DNHD1: variants seen among roughly 807,000 people sequenced by gnomAD.
DNHD1 encodes dynein heavy chain domain-containing protein 1.
DNHD1 carries 383 observed loss-of-function variants against 458.1 expected under a neutral mutation model. That is an observed-to-expected ratio of 0.84 (90% confidence interval 0.77 to 0.91). DNHD1 has a LOEUF of 0.91. DNHD1 is among the 40% of genes least tolerant of loss of function. DNHD1 has a pLI of 0.00. For missense variants in DNHD1, 5,336 were observed against 5,866.1 expected (o/e 0.91, Z 2.95); for synonymous variants, 2,203 against 2,376.9 (o/e 0.93, Z 2.13).
rs181362639 is a variant in DNHD1, at chr11:6,529,334, A to G, written c.2347+213A>G. Among the ~76,000 whole-genome samples, 422 of 152,252 alleles carry G rather than the reference A, an allele frequency of 2.8e-3. 2 individuals carry two copies. Among genetic ancestry groups the G allele is most frequent in the African/African-American group, 9.4e-3 (392 of 41,556 alleles). ...CGGCCTCTCTGTTTTGGCTCTGCTC[A>G]TACCCTGTATTCCTTAGGAATCATG... On this transcript the variant is annotated intron_variant, in intron 12 of 42. Coordinates refer to ENST00000254579, the MANE Select transcript of DNHD1 (RefSeq NM_144666.3).
chr11:6,570,430 G>A (rs1168508952), intron 41 of DNHD1, 34 bp downstream of exon 41: 1 of 1,580,562 alleles, frequency 6.3e-7, no homozygotes. Flanking sequence ...TTTGGGGTAG[G>A]GAATAGTGCA....
At chr11:6,562,049 C>T (rs1485243845) in intron 28 of DNHD1, among the ~76,000 whole-genome samples, 1 of 152,130 alleles carries the variant, frequency 6.6e-6, no homozygotes, top group East Asian at 1.9e-4. Flanking sequence ...AGAGTGGAAA[C>T]TGAGAGACCA....
intron 4 of DNHD1, among the ~76,000 whole-genome samples, chr11:6,506,124 G>C (rs1288349099): frequency 1.3e-5 from 2 of 152,188 alleles, no homozygotes; most frequent in Non-Finnish European, 1.5e-5. Flanking sequence ...TCAGCATTTG[G>C]TGCTGCTTTT....
Position 6,564,742 on chromosome 11 carries a change from G to T in DNHD1, c.10694G>T (p.Trp3565Leu). 1.3e-6 allele frequency: 2 copies of T among 1,547,418 alleles called. No individual in the cohort carries two copies. Among genetic ancestry groups the T allele is most frequent in the Non-Finnish European group, 8.7e-7 (1 of 1,143,680 alleles). ...LLDPSNEALI[W>L]LDPLPLEENR... ...GACCCCAGCAACGAGGCCCTCATCTGGTTGGACCCGCTGCCTCTGGAAGAG... is the reference window on the plus strand; with the variant it reads ...GACCCCAGCAACGAGGCCCTCATCTTGTTGGACCCGCTGCCTCTGGAAGAG... Residue 3565 changes from tryptophan (W) to leucine (L), a missense_variant, in exon 32 of 43, where the codon TGG (tryptophan) becomes TTG (leucine). By Grantham distance (61) the Trp-to-Leu change is moderately conservative. Around this residue, in one of 4 missense-constraint regions of DNHD1, gnomAD observed 11 missense variants for 31.4 expected, o/e 0.35. Transcript: ENST00000254579.
At chr11:6,525,063 A>AT (rs1194197310) in intron 10 of DNHD1, among the ~76,000 whole-genome samples, 4 of 151,906 alleles carry the variant, frequency 2.6e-5, no homozygotes, top group Non-Finnish European at 4.4e-5. Context: ...AGTGGTTTTC[A>AT]TTTTTTTTGT....
intron 24 of DNHD1, among the ~76,000 whole-genome samples, chr11:6,551,556 G>A (rs905723746): frequency 6.6e-6 from 1 of 152,102 alleles, no homozygotes; most frequent in African/African-American, 2.4e-5. Context: ...ATTGACAATC[G>A]CCTATTAACA....
chr11:6,571,747 T>C lies in DNHD1; in HGVS notation c.14023T>C (p.Ser4675Pro). The change falls in exon 43 of 43, where the codon TCC (serine) becomes CCC (proline). Residue 4675 changes from serine to proline, a missense_variant. Coordinates refer to ENST00000254579, the MANE Select transcript of DNHD1 (RefSeq NM_144666.3). The surrounding 1 kb of genome is among the most constrained non-coding windows in gnomAD (Gnocchi z 5.0). ...PIAGALQDSP[S>P]SQPSPLPPVS... is the part of the protein sequence containing the mutation. ...AGCTGGAGCCTTGCAGGACAGTCCT[T>C]CCAGCCAACCCAGCCCTCTGCCTCC... 6.2e-7 allele frequency: 1 copy of C among 1,613,288 alleles called. No homozygotes were observed. The highest frequency in any genetic ancestry group is 8.5e-7 in the Non-Finnish European group (1 of 1,179,564).
chr11:6,527,268 A>G (rs1187736042), intron 10 of DNHD1, among the ~76,000 whole-genome samples: 2 of 152,230 alleles, frequency 1.3e-5, no homozygotes, highest in Non-Finnish European at 2.9e-5. Context: ...CAATGCAGGT[A>G]GAAAAGTTAG....
Position 6,563,151 on chromosome 11 carries a change from T to A in DNHD1, c.9669+20T>A. The A allele has an allele frequency of 6.4e-7, 1 of 1,551,644 alleles. No homozygotes were observed. The highest frequency in any genetic ancestry group is 1.2e-5 in the South Asian group (1 of 84,048). ...GAGCAGGTGGGCTCTTCCTGCCGCC[T>A]GCCCTGCACTGCTCCTCTCTCAAAA... On this transcript the variant is annotated intron_variant, in intron 29 of 42. Coordinates refer to ENST00000254579, the MANE Select transcript of DNHD1 (RefSeq NM_144666.3).
chr11:6,523,230 G>C (rs113371018), intron 10 of DNHD1, among the ~76,000 whole-genome samples: 2,768 of 152,286 alleles, frequency 0.018, 41 homozygotes, highest in Non-Finnish European at 0.029. Flanking sequence ...TGGGATGCCT[G>C]AAATTAGCTT....
rs777567024 is a variant in DNHD1 at position 6,563,865 on chromosome 11, G to A, written c.10025G>A (p.Arg3342Gln). Residue 3342 changes from arginine (R) to glutamine (Q), a missense_variant, in exon 31 of 43, where the codon CGG (arginine) becomes CAG (glutamine). Around this residue, in one of 4 missense-constraint regions of DNHD1, gnomAD observed 3,932 missense variants for 4,365.6 expected, o/e 0.90. Transcript: ENST00000254579. ...CTGCACTATGGGCTGGCGCATTGCC[G>A]GGGACTGCCCACGGACCTGCTGCTG... The part of the protein sequence containing the change: ...AVLHYGLAHC[R>Q]GLPTDLLLQQ... 3.2e-5 allele frequency: 50 copies of A among 1,551,694 alleles called. No individual in the cohort carries two copies. The highest frequency in any genetic ancestry group is 2.7e-4 in the East Asian group (11 of 40,920).
At chr11:6,504,747 C>G (rs748730320) in intron 4 of DNHD1, among the ~76,000 whole-genome samples, 22 of 152,200 alleles carry the variant, frequency 1.4e-4, no homozygotes, top group Non-Finnish European at 2.6e-4. Flanking sequence ...ACGTGCCTGG[C>G]CCAGCCAGCA....
Position 6,544,195 on chromosome 11 carries a change from G to A in DNHD1, c.3703G>A (p.Gly1235Arg). Residue 1235 changes from glycine (G) to arginine (R), a missense_variant, in exon 19 of 43, where the codon GGA (glycine) becomes AGA (arginine). Physicochemically the swap from Gly to Arg is moderately radical, Grantham distance 125. Transcript: ENST00000254579. ...CAAGATCTTGGCCATCGAAAAGTCA[G>A]GAGATTTAAACAAAATAGCTTTGGA... The part of the protein sequence containing the change: ...LSKILAIEKS[G>R]DLNKIALEWV... The A allele has an allele frequency of 6.4e-7, 1 of 1,551,610 alleles. No homozygotes were observed. Among genetic ancestry groups the A allele is most frequent in the East Asian group, 2.4e-5 (1 of 40,916 alleles).
At position 6,498,231 on chromosome 11, in the gene DNHD1, A is replaced by G; in HGVS notation, c.16A>G (p.Arg6Gly). 1 of 1,612,256 alleles carries G rather than the reference A, an allele frequency of 6.2e-7. No homozygotes were observed. The highest frequency in any genetic ancestry group is 8.5e-7 in the Non-Finnish European group (1 of 1,178,610). Reference sequence around the variant, plus strand: ...CCAGCTCCTCATGGTCCCGGAGGAGAGGAGGGTAGGTTTGTCTTCTGATGA... The same window carrying G: ...CCAGCTCCTCATGGTCCCGGAGGAGGGGAGGGTAGGTTTGTCTTCTGATGA... MVPEE[R>G]RVGLSSDETS... The change falls in exon 3 of 43, where the codon AGG becomes GGG. Residue 6 changes from arginine to glycine, a missense_variant. By Grantham distance (125) the Arg-to-Gly change is moderately radical. Around this residue, in one of 4 missense-constraint regions of DNHD1, gnomAD observed 3,932 missense variants for 4,365.6 expected, o/e 0.90. Transcript: ENST00000254579.
chr11:6,503,197 A>C (rs1852172003), intron 4 of DNHD1: 1 of 368,952 alleles, frequency 2.7e-6, no homozygotes, highest in Non-Finnish European at 4.8e-6. Context: ...ATTCTATCCT[A>C]GAATGATAGA....
chr11:6,570,847 A>C lies in DNHD1; in HGVS notation c.13335A>C (p.Gln4445His). Residue 4445 changes from glutamine (Q) to histidine (H), a missense_variant, in exon 42 of 43, where the codon CAA becomes CAC. Gln to His is a conservative substitution (Grantham distance 24). Transcript: ENST00000254579. Reference protein sequence around the residue: ...AERRLRQRLVQVNRRLESLQD... With the variant: ...AERRLRQRLVHVNRRLESLQD... ...GGCGACTGCGGCAACGCCTAGTGCA[A>C]GTCAACCGGAGGCTGGAGTCACTGC... 6.2e-7 allele frequency: 1 copy of C among 1,614,054 alleles called. No individual in the cohort carries two copies. The highest frequency in any genetic ancestry group is 1.6e-4 in the Middle Eastern group (1 of 6,062).
chr11:6,538,292 T>A, intron 14 of DNHD1, 91 bp from the exon 15 acceptor site: 1 of 1,174,158 alleles, frequency 8.5e-7, no homozygotes, highest in Non-Finnish European at 1.2e-6. Context: ...GGACCCTACC[T>A]TCTGTCATTA....
At chr11:6,530,648 C>T (rs1852807994) in intron 12 of DNHD1, among the ~76,000 whole-genome samples, 1 of 152,156 alleles carries the variant, frequency 6.6e-6, no homozygotes, top group Admixed American at 6.5e-5. Flanking sequence ...GCTTGTATGC[C>T]CTGCTTGCTT....
chr11:6,509,539 T>C (rs1195896713), intron 6 of DNHD1, among the ~76,000 whole-genome samples: 1 of 152,156 alleles, frequency 6.6e-6, no homozygotes, highest in Non-Finnish European at 1.5e-5. Flanking sequence ...TTCTATTTCA[T>C]GAATAGAATA....
Sources: allele counts gnomAD v4.1 joint callset (sites outside exome capture counted in the v4.1 genomes callset), GRCh38; gene constraint gnomAD v4.1.1; regional missense constraint gnomAD v4.1.1; non-coding constraint Gnocchi (gnomAD v3.1); transcripts MANE v1.5; gene names NCBI Gene and HGNC (gene_info 2026-07-23, HGNC 2026-07-21).